The following SLCO4C1 variants were observed in gnomAD, a reference collection of about 807,000 sequenced individuals.
SLCO4C1 encodes solute carrier organic anion transporter family member 4C1.
In SLCO4C1, 58 loss-of-function variants were observed where a neutral mutation model predicts 72.1. That is an observed-to-expected ratio of 0.80 (90% confidence interval 0.65 to 1.00). SLCO4C1 has a LOEUF of 1.00. SLCO4C1 is among the 50% of genes least tolerant of loss of function. SLCO4C1 has a pLI of 0.00. For missense variants in SLCO4C1, 898 were observed against 857.9 expected (o/e 1.05, Z -0.58); for synonymous variants, 297 against 312.5 (o/e 0.95, Z 0.52).
chr5:102,279,553 T>C (rs1237150607), intron 2 of SLCO4C1, among the ~76,000 whole-genome samples: 1 of 151,988 alleles, frequency 6.6e-6, no homozygotes, highest in Non-Finnish European at 1.5e-5. Context: ...ATTTCTCAAT[T>C]TATTGTATGA....
chr5:102,239,225 A>G (rs770235082), intron 12 of SLCO4C1, 26 bp downstream of exon 12: 4 of 1,524,808 alleles, frequency 2.6e-6, no homozygotes, highest in Non-Finnish European at 3.5e-6. Context: ...AGTTTACTCT[A>G]AAATTATCAA....
At chr5:102,247,986 C>A (rs1233846938) in intron 9 of SLCO4C1, among the ~76,000 whole-genome samples, 1 of 135,488 alleles carries the variant, frequency 7.4e-6, no homozygotes, top group East Asian at 2.2e-4. Flanking sequence ...TTCAGGAAAA[C>A]CAAATATGCA....
intron 10 of SLCO4C1, among the ~76,000 whole-genome samples, chr5:102,244,292 A>G (rs1409723763): frequency 2.6e-5 from 4 of 152,222 alleles, no homozygotes; most frequent in African/African-American, 9.6e-5. Context: ...AAAACAGAAT[A>G]AAGAATTAGT....
In SLCO4C1 at chr5:102,237,033, A is replaced by C. The variant is rs756051016; in HGVS notation, c.2015-15T>G. On this transcript the variant is annotated splice_polypyrimidine_tract_variant and intron_variant, in intron 12 of 12. Transcript: ENST00000310954. ...ACAAGTAACACCTAAGTGAAAAAAAAAATTAATCATGTGCTTTTGTTTTTA... is the reference window on the plus strand; with the variant it reads ...ACAAGTAACACCTAAGTGAAAAAAACAATTAATCATGTGCTTTTGTTTTTA... 2.8e-5 allele frequency: 43 copies of C among 1,558,510 alleles called. No homozygotes were observed. The African/African-American group carries it at 5.7e-4, about 21-fold the overall frequency.
intron 10 of SLCO4C1, 51 bp from the exon 11 acceptor site, chr5:102,240,833 A>C: frequency 7.7e-7 from 1 of 1,307,116 alleles, no homozygotes; most frequent in Non-Finnish European, 1.1e-6. Flanking sequence ...TAGTATATTC[A>C]CTCTTTGAGC....
At chr5:102,254,609 C>T (rs1306245137) in intron 8 of SLCO4C1, among the ~76,000 whole-genome samples, 1 of 152,188 alleles carries the variant, frequency 6.6e-6, no homozygotes, top group Non-Finnish European at 1.5e-5. Flanking sequence ...GGTCAGTCAG[C>T]AGCCATCAAC....
At position 102,261,523 on chromosome 5, in the gene SLCO4C1, C is replaced by T. The variant is rs116944468; in HGVS notation, c.1021+389G>A. Among the ~76,000 whole-genome samples, 169 of 149,294 alleles carry T rather than the reference C, an allele frequency of 1.1e-3. 5 individuals carry two copies. The East Asian group carries it at 0.029, about 26-fold the overall frequency. ...GATAACTTAAAAAAAAAAGTACTTG[C>T]ACTTTTAACTACAAATAATTAACAT... On this transcript the variant is annotated intron_variant, in intron 5 of 12. Coordinates refer to ENST00000310954, the MANE Select transcript of SLCO4C1 (RefSeq NM_180991.5).
intron 3 of SLCO4C1, among the ~76,000 whole-genome samples, chr5:102,268,250 T>C (rs951002449): frequency 3.9e-5 from 6 of 152,160 alleles, no homozygotes; most frequent in African/African-American, 1.4e-4. Flanking sequence ...ATTTGATTTA[T>C]ATATGTGCAT....
intron 3 of SLCO4C1, among the ~76,000 whole-genome samples, chr5:102,268,763 T>C (rs1274574949): frequency 2.0e-5 from 3 of 152,138 alleles, no homozygotes; most frequent in Non-Finnish European, 2.9e-5. Context: ...ATGCTTTCAC[T>C]TGTGTTCAGG....
chr5:102,239,275 T>A lies in SLCO4C1; in HGVS notation c.1990A>T (p.Met664Leu). ...GACWIYDNIKMAHMLVAISVT... is the reference protein window; with the variant it reads ...GACWIYDNIKLAHMLVAISVT... The stretch of plus-strand genomic sequence containing the variant: ...CTTATGGCTACTAGCATATGGGCCA[T>A]CTTGATGTTATCATAAATCCAGCAA... The change falls in exon 12 of 13, where the codon ATG (methionine) becomes TTG (leucine). Residue 664 changes from methionine (M) to leucine (L), a missense_variant. Coordinates refer to ENST00000310954, the MANE Select transcript of SLCO4C1 (RefSeq NM_180991.5). 1 of 1,599,610 alleles carries A rather than the reference T, an allele frequency of 6.3e-7. No homozygotes were observed. Among genetic ancestry groups the A allele is most frequent in the Non-Finnish European group, 8.5e-7 (1 of 1,173,192 alleles).
chr5:102,287,845 C>G, intron 2 of SLCO4C1, among the ~76,000 whole-genome samples: 1 of 152,130 alleles, frequency 6.6e-6, no homozygotes, highest in East Asian at 1.9e-4. Context: ...TGAGTCATTG[C>G]GCCCGGCCAG....
intron 2 of SLCO4C1, among the ~76,000 whole-genome samples, chr5:102,272,015 T>C (rs1358928225): frequency 6.6e-6 from 1 of 152,064 alleles, no homozygotes; most frequent in Non-Finnish European, 1.5e-5. Flanking sequence ...TCAGCTCTGG[T>C]GAATATAATC....
chr5:102,234,194 A>G lies in SLCO4C1; in HGVS notation c.*2664T>C, dbSNP rs967057298. ...AAATCTAAATGTTAAATTTTAACACATATATCCAATTATGTACACAATTAC... is the reference window on the plus strand; with the variant it reads ...AAATCTAAATGTTAAATTTTAACACGTATATCCAATTATGTACACAATTAC... On this transcript the variant is annotated 3_prime_UTR_variant, in exon 13 of 13. Coordinates refer to ENST00000310954, the MANE Select transcript of SLCO4C1 (RefSeq NM_180991.5). 6.6e-6 allele frequency: 1 copy of G among 152,628 alleles called. No homozygotes were observed. Among genetic ancestry groups the G allele is most frequent in the Admixed American group, 6.5e-5 (1 of 15,284 alleles). 9.5% of individuals were successfully genotyped at this position (152,628 alleles called of 1,614,324 possible).
rs367662763 is a variant in SLCO4C1, at chr5:102,273,263, A to G, written c.620-2457T>C. On this transcript the variant is annotated intron_variant, in intron 2 of 12. Coordinates refer to ENST00000310954, the MANE Select transcript of SLCO4C1 (RefSeq NM_180991.5). ...ATCAAACATAGGTATAATCAACCAA[A>G]ATAGAAAAATAAATATGTTTAAAGG... Among the ~76,000 whole-genome samples, 220 of 152,276 alleles carry G rather than the reference A, an allele frequency of 1.4e-3. 1 individual carries two copies. The highest frequency in any genetic ancestry group is 0.014 in the South Asian group (69 of 4,822).
chr5:102,280,636 T>G (rs532689459), intron 2 of SLCO4C1, among the ~76,000 whole-genome samples: 2 of 152,082 alleles, frequency 1.3e-5, no homozygotes, highest in African/African-American at 2.4e-5. Flanking sequence ...AGAAAAAAAT[T>G]TAGGCCTCAG....
intron 2 of SLCO4C1, among the ~76,000 whole-genome samples, chr5:102,276,413 C>A (rs190653810): frequency 6.6e-6 from 1 of 152,130 alleles, no homozygotes; most frequent in Non-Finnish European, 1.5e-5. Flanking sequence ...AGGTGGCAGA[C>A]GAAAACAAGA....
intron 3 of SLCO4C1, among the ~76,000 whole-genome samples, chr5:102,266,166 T>G (rs1749034784): frequency 6.6e-6 from 1 of 152,188 alleles, no homozygotes; most frequent in African/African-American, 2.4e-5. Context: ...ACCCTGAAAC[T>G]TCACTGAATT....
At chr5:102,263,857 T>C in intron 3 of SLCO4C1, 77 bp from the exon 4 acceptor site, 3 of 1,064,620 alleles carry the variant, frequency 2.8e-6, no homozygotes, top group East Asian at 2.5e-5. Flanking sequence ...AAAACAAATA[T>C]TTTACTACAG....
In SLCO4C1 at chr5:102,247,340, C is replaced by T; in HGVS notation, c.1723G>A (p.Ala575Thr). 3.1e-6 allele frequency: 5 copies of T among 1,600,844 alleles called. No individual in the cohort carries two copies. The highest frequency in any genetic ancestry group is 4.3e-6 in the Non-Finnish European group (5 of 1,170,644). ...ATGCAAAGGAATATGGGCAGTTTCG[C>T]ACAATGAGTTTCACATTTTCCAGCT... ...AKAGKCETHC[A>T]KLPIFLCIFF... The change falls in exon 10 of 13, where the codon GCG becomes ACG. Residue 575 changes from alanine to threonine, a missense_variant. By Grantham distance (58) the Ala-to-Thr change is moderately conservative. Coordinates refer to ENST00000310954, the MANE Select transcript of SLCO4C1 (RefSeq NM_180991.5).
Sources: allele counts gnomAD v4.1 joint callset (sites outside exome capture counted in the v4.1 genomes callset), GRCh38; gene constraint gnomAD v4.1.1; transcripts MANE v1.5; gene names NCBI Gene and HGNC (gene_info 2026-07-23, HGNC 2026-07-21).